Variants in GNG2 observed in about 807,000 individuals in gnomAD.
GNG2 encodes the protein G protein subunit gamma 2.
A neutral mutation model predicts 5.5 loss-of-function variants in GNG2; 5 were observed. That is an observed-to-expected ratio of 0.91 (90% CI 0.48 to 1.92). The LOEUF is 1.92. Ranked by LOEUF, GNG2 falls within the 30% of genes most tolerant of loss-of-function variation. GNG2 has a pLI of 0.01. For synonymous variants in GNG2, 28 were observed against 32.0 expected (o/e 0.88, Z 0.42); for missense variants, 55 against 88.4 (o/e 0.62, Z 1.52).
chr14:51,940,525 A>G (rs1888257485), intron 2 of GNG2: 1 of 152,254 alleles, frequency 6.6e-6, no homozygotes, highest in Non-Finnish European at 1.5e-5. Context: ...CTGCTGCTCA[A>G]AAATGAACAA....
chr14:51,865,564 A>C (rs895486875), intron 1 of GNG2, among the ~76,000 whole-genome samples: 1 of 152,216 alleles, frequency 6.6e-6, no homozygotes, highest in Non-Finnish European at 1.5e-5. Context: ...TTCATAAGGG[A>C]TAATAAAATA....
At chr14:51,905,492 C>A (rs775318373) in intron 2 of GNG2, among the ~76,000 whole-genome samples, 1 of 152,078 alleles carries the variant, frequency 6.6e-6, no homozygotes, top group African/African-American at 2.4e-5. Flanking sequence ...CTGACCATAC[C>A]TTTAGATTAA....
chr14:51,837,941 T>C (rs185057756), intron 2 of GNG2, among the ~76,000 whole-genome samples: 1 of 152,242 alleles, frequency 6.6e-6, no homozygotes, highest in Admixed American at 6.5e-5. Flanking sequence ...GAGTTAACTT[T>C]TATACTGAGA....
chr14:51,906,757 CTTTTTTT>C, intron 2 of GNG2, among the ~76,000 whole-genome samples: 1 of 105,300 alleles, frequency 9.5e-6, no homozygotes, highest in African/African-American at 3.7e-5. Context: ...TGGAGAATCT[CTTTTTTT>C]TTTTTTTTTG....
chr14:51,954,309 G>A (rs1889150953), intron 3 of GNG2, among the ~76,000 whole-genome samples: 1 of 152,108 alleles, frequency 6.6e-6, no homozygotes, highest in South Asian at 2.1e-4. Flanking sequence ...GAAATAAAAG[G>A]AAATTGGGAA....
At chr14:51,837,030 G>C (rs2140074219) in intron 2 of GNG2, among the ~76,000 whole-genome samples, 1 of 151,806 alleles carries the variant, frequency 6.6e-6, no homozygotes, top group East Asian at 2.0e-4. Context: ...GCTAATTTTT[G>C]TAGTTTTTAG....
At chr14:51,908,506 A>T (rs560012639) in intron 2 of GNG2, among the ~76,000 whole-genome samples, 1 of 150,780 alleles carries the variant, frequency 6.6e-6, no homozygotes, top group East Asian at 2.0e-4. Flanking sequence ...AGTTAATAAA[A>T]ATGATCTGTC....
At chr14:51,945,678 T>C (rs754877964) in intron 2 of GNG2, among the ~76,000 whole-genome samples, 19 of 152,190 alleles carry the variant, frequency 1.2e-4, no homozygotes, top group Admixed American at 3.9e-4. Flanking sequence ...GTTAAGATAG[T>C]AATTTTATAT....
intron 2 of GNG2, among the ~76,000 whole-genome samples, chr14:51,903,121 A>G (rs1885672808): frequency 6.6e-6 from 1 of 152,244 alleles, no homozygotes; most frequent in Non-Finnish European, 1.5e-5. Context: ...AGAGCTATTT[A>G]TAATAGTAAA....
intron 2 of GNG2, among the ~76,000 whole-genome samples, chr14:51,900,225 A>C (rs1292207188): frequency 2.0e-5 from 3 of 152,160 alleles, no homozygotes; most frequent in Non-Finnish European, 2.9e-5. Context: ...GTGATAGCTC[A>C]TTGCCATTTT....
chr14:51,836,820 A>G (rs1007730397), intron 2 of GNG2, among the ~76,000 whole-genome samples: 1 of 151,938 alleles, frequency 6.6e-6, no homozygotes, highest in Non-Finnish European at 1.5e-5. Flanking sequence ...ATAAACAATA[A>G]AATATTTTCA....
chr14:51,937,286 T>C (rs1888061986), intron 2 of GNG2, among the ~76,000 whole-genome samples: 1 of 152,228 alleles, frequency 6.6e-6, no homozygotes, highest in Non-Finnish European at 1.5e-5. Context: ...GACACTTGAA[T>C]AATGAGGAAA....
At chr14:51,939,981 C>G (rs1594940744) in intron 2 of GNG2, 1 of 152,220 alleles carries the variant, frequency 6.6e-6, no homozygotes, top group Admixed American at 6.5e-5. Flanking sequence ...AGGGATGCAT[C>G]GCTCACTTCC....
chr14:51,829,360 C>A (rs1342573928), intron 2 of GNG2, among the ~76,000 whole-genome samples: 4 of 152,172 alleles, frequency 2.6e-5, no homozygotes, highest in African/African-American at 7.2e-5. Context: ...ATCATACCAC[C>A]TTTTCACTAT....
chr14:51,895,502 A>G (rs1380514831), intron 2 of GNG2, among the ~76,000 whole-genome samples: 1 of 152,246 alleles, frequency 6.6e-6, no homozygotes, highest in African/African-American at 2.4e-5. Context: ...TTCAAACTTC[A>G]GTGAGGAAGA....
intron 2 of GNG2, among the ~76,000 whole-genome samples, chr14:51,828,919 C>T (rs867122555): frequency 6.6e-6 from 1 of 152,084 alleles, no homozygotes; most frequent in South Asian, 2.1e-4. Context: ...CGTGACAGGC[C>T]CTCTGTCTCA....
At chr14:51,875,172 T>C (rs1260521930) in intron 1 of GNG2, among the ~76,000 whole-genome samples, 1 of 152,216 alleles carries the variant, frequency 6.6e-6, no homozygotes, top group African/African-American at 2.4e-5. Context: ...AAGGTAGCTG[T>C]GCTCCACAAG....
intron 3 of GNG2, among the ~76,000 whole-genome samples, chr14:51,958,451 T>C (rs1282471268): frequency 2.0e-5 from 2 of 99,470 alleles, no homozygotes; most frequent in Non-Finnish European, 4.3e-5. Context: ...CCCCCCCCCA[T>C]TTATATTTCT....
intron 1 of GNG2, among the ~76,000 whole-genome samples, chr14:51,868,216 G>T (rs1470407717): frequency 6.6e-6 from 1 of 152,162 alleles, no homozygotes; most frequent in Non-Finnish European, 1.5e-5. Flanking sequence ...AACAAAACTG[G>T]TCGGTTGTTT....
Sources: allele counts gnomAD v4.1 joint callset (sites outside exome capture counted in the v4.1 genomes callset), GRCh38; gene constraint gnomAD v4.1.1; transcripts MANE v1.5; gene names NCBI Gene and HGNC (gene_info 2026-07-23, HGNC 2026-07-21).